MMUT: variants seen among roughly 807,000 people sequenced by gnomAD.
MMUT encodes methylmalonyl-CoA mutase.
A neutral mutation model predicts 79.9 loss-of-function variants in MMUT; 79 were observed. The ratio of observed to expected loss-of-function variants is 0.99; its 90% CI spans 0.82 to 1.19. The LOEUF (loss-of-function observed/expected upper bound fraction) is 1.19. Ranked by LOEUF, MMUT falls within the 50% of genes most tolerant of loss-of-function variation. The probability of loss-of-function intolerance (pLI) is 0.00; values close to 1 mark genes in which losing one functional copy is unlikely to be tolerated. For missense variants in MMUT, 860 were observed against 917.2 expected (o/e 0.94, Z 0.81); for synonymous variants, 273 against 295.7 (o/e 0.92, Z 0.79).
chr6:49,440,904 T>C (rs1767256861), intron 10 of MMUT, among the ~76,000 whole-genome samples: 1 of 152,210 alleles, frequency 6.6e-6, no homozygotes, highest in South Asian at 2.1e-4. Flanking sequence ...CTGGCTGCTT[T>C]GAATTGTCCA....
chr6:49,445,868 T>C (rs1033478812), intron 8 of MMUT, among the ~76,000 whole-genome samples: 1 of 152,002 alleles, frequency 6.6e-6, no homozygotes, highest in Non-Finnish European at 1.5e-5. Flanking sequence ...AAAATGCCCA[T>C]TTTTCTTTAT....
chr6:49,459,185 T>C lies in MMUT; in HGVS notation c.282A>G (p.Gly94=). 6.2e-7 allele frequency: 1 copy of C among 1,614,186 alleles called. No individual in the cohort carries two copies. Among genetic ancestry groups the C allele is most frequent in the Non-Finnish European group, 8.5e-7 (1 of 1,180,028 alleles). The stretch of plus-strand genomic sequence containing the variant: ...TAAAGGTATACATGGTAGGATATGG[T>C]CCACGTGTGAATGGCTTCACTCCTG... ...ELPGVKPFTR[G]PYPTMYTFRP... Residue 94 remains glycine (G), a synonymous_variant, in exon 2 of 13, where the codon GGA becomes GGG. Coordinates refer to ENST00000274813, the MANE Select transcript of MMUT (RefSeq NM_000255.4).
chr6:49,444,570 A>G, intron 9 of MMUT, 69 bp downstream of exon 9: 2 of 1,249,530 alleles, frequency 1.6e-6, no homozygotes, highest in Non-Finnish European at 2.4e-6. Context: ...CTTTTATTTA[A>G]GTATACTCTG....
Position 49,458,014 on chromosome 6 carries a change from G to C in MMUT, c.430C>G (p.Arg144Gly). Residue 144 changes from arginine (R) to glycine (G), a missense_variant, in exon 3 of 13, where the codon CGT becomes GGT. By Grantham distance (125) the Arg-to-Gly change is moderately radical. Coordinates refer to ENST00000274813, the MANE Select transcript of MMUT (RefSeq NM_000255.4). ...CGAGGGTTGTCTGAATCATAGCCAC[G>C]ATGTGTCGCCAGATCAAAGGCAACT... ...LSVAFDLATHRGYDSDNPRVR... is the reference protein window; with the variant it reads ...LSVAFDLATHGGYDSDNPRVR... 6.2e-7 allele frequency: 1 copy of C among 1,603,446 alleles called. No homozygotes were observed. The highest frequency in any genetic ancestry group is 1.1e-5 in the South Asian group (1 of 91,048).
At chr6:49,432,284 C>G (rs184701865) in intron 12 of MMUT, among the ~76,000 whole-genome samples, 2 of 152,110 alleles carry the variant, frequency 1.3e-5, no homozygotes, top group African/African-American at 4.8e-5. Flanking sequence ...AATGATGGCA[C>G]TTTGAATTTG....
At chr6:49,457,355 T>C (rs1767714747) in intron 3 of MMUT, among the ~76,000 whole-genome samples, 1 of 152,198 alleles carries the variant, frequency 6.6e-6, no homozygotes, top group African/African-American at 2.4e-5. Flanking sequence ...AAAGCTGATA[T>C]TCCAATCCCC....
At chr6:49,453,551 T>C (rs1462821482) in intron 5 of MMUT, 34 bp downstream of exon 5, 3 of 1,326,180 alleles carry the variant, frequency 2.3e-6, no homozygotes, top group South Asian at 3.1e-5. Flanking sequence ...TATATAACTT[T>C]ATTAAAATTC....
chr6:49,447,224 A>T (rs1767431436), intron 8 of MMUT, among the ~76,000 whole-genome samples: 1 of 151,946 alleles, frequency 6.6e-6, no homozygotes, highest in South Asian at 2.1e-4. Context: ...AATTATTTCA[A>T]AGTAGTATCA....
At position 49,457,751 on chromosome 6, in the gene MMUT, G is replaced by A. The variant is rs879253834; in HGVS notation, c.693C>T (p.Tyr231=). 2.5e-6 allele frequency: 4 copies of A among 1,611,636 alleles called. No individual in the cohort carries two copies. Among genetic ancestry groups the A allele is most frequent in the East Asian group, 4.5e-5 (2 of 44,844 alleles). ...ILKEFMVRNT[Y]IFPPEPSMKI... is the part of the protein sequence containing the mutation. ...TCATGGATGGTTCTGGAGGAAAAAT[G>A]TATGTATTTCGAACCATAAATTCCT... Residue 231 remains tyrosine (Y), a synonymous_variant, in exon 3 of 13, where the codon TAC becomes TAT. Transcript: ENST00000274813.
At chr6:49,441,994 C>T in intron 9 of MMUT, 23 bp from the exon 10 acceptor site, 4 of 1,594,066 alleles carry the variant, frequency 2.5e-6, no homozygotes, top group Non-Finnish European at 3.4e-6. Context: ...ATGGTGGTTC[C>T]ATTAACTTCA....
At chr6:49,457,268 G>A (rs1767712258) in intron 3 of MMUT, among the ~76,000 whole-genome samples, 2 of 152,172 alleles carry the variant, frequency 1.3e-5, no homozygotes, top group Admixed American at 6.6e-5. Flanking sequence ...TAATTCAAGG[G>A]TGAATATTAG....
intron 6 of MMUT, among the ~76,000 whole-genome samples, chr6:49,450,132 G>A (rs1047304033): frequency 5.3e-5 from 8 of 151,498 alleles, no homozygotes; most frequent in Non-Finnish European, 1.2e-4. Context: ...TCGGGAGGCT[G>A]AGACAGGAGA....
chr6:49,450,508 C>T (rs1335950953), intron 6 of MMUT, among the ~76,000 whole-genome samples: 2 of 152,114 alleles, frequency 1.3e-5, no homozygotes, highest in African/African-American at 4.8e-5. Context: ...CCAATACTTT[C>T]AGAAAGAAAG....
At chr6:49,453,008 C>G (rs1475023197) in intron 5 of MMUT, among the ~76,000 whole-genome samples, 2 of 149,630 alleles carry the variant, frequency 1.3e-5, no homozygotes, top group Non-Finnish European at 3.0e-5. Context: ...GCTTCCTTCT[C>G]ATCATCAAAT....
At chr6:49,457,606 A>T in intron 3 of MMUT, 85 bp downstream of exon 3, 1 of 1,214,390 alleles carries the variant, frequency 8.2e-7, no homozygotes, top group Non-Finnish European at 1.2e-6. Context: ...ACTCAGACTA[A>T]ATTTTTAAAT....
At chr6:49,458,196 T>A in intron 2 of MMUT, 138 bp from the exon 3 acceptor site, 2 of 843,054 alleles carry the variant, frequency 2.4e-6, no homozygotes, top group Non-Finnish European at 3.6e-6. Flanking sequence ...TGCTCATACA[T>A]GTCAAAACCA....
At chr6:49,459,945 GAAAA>G (rs1366998029) in intron 1 of MMUT, among the ~76,000 whole-genome samples, 1 of 152,146 alleles carries the variant, frequency 6.6e-6, no homozygotes, top group Non-Finnish European at 1.5e-5. Context: ...GGGTAATAGA[GAAAA>G]AAGTGATGAA....
At position 49,455,132 on chromosome 6, in the gene MMUT, A is replaced by AT; in HGVS notation, c.911+947_911+948insA. 2.6e-5 allele frequency among the ~76,000 whole-genome samples: 4 copies of AT among 151,604 alleles called. No individual in the cohort carries two copies. In the Middle Eastern group the frequency reaches 0.014, roughly 519 times the overall value. On this transcript the variant is annotated intron_variant, in intron 4 of 12. Coordinates refer to ENST00000274813, the MANE Select transcript of MMUT (RefSeq NM_000255.4). ...TGAAAAATAAGTATGCTTCTTAAAA[A>AT]AATATATATATATATAATAAAAGCA... is the stretch of plus-strand genomic sequence containing the variant.
chr6:49,461,534 C>T (rs535634209), intron 1 of MMUT, among the ~76,000 whole-genome samples: 3 of 151,036 alleles, frequency 2.0e-5, no homozygotes, highest in Admixed American at 1.3e-4. Context: ...TTCAGGAGGC[C>T]GAGGCAGGTG....
Sources: gnomAD v4.1 joint callset for allele counts (sites outside exome capture counted in the v4.1 genomes callset) on GRCh38, gnomAD v4.1.1 for gene constraint, MANE v1.5 for transcripts, NCBI Gene and HGNC (gene_info 2026-07-23, HGNC 2026-07-21) for gene names.